SNX6: variants seen among roughly 807,000 people sequenced by gnomAD.
SNX6 encodes sorting nexin-6.
A neutral mutation model predicts 63.0 loss-of-function variants in SNX6; 34 were observed. The ratio of observed to expected loss-of-function variants is 0.54; its 90% confidence interval spans 0.41 to 0.72. The LOEUF (loss-of-function observed/expected upper bound fraction) is 0.72, where lower values mean the gene tolerates loss of function less well. Among genes scored for constraint, SNX6 ranks in the 30% least tolerant of loss-of-function variants. The pLI is 0.00. For missense variants in SNX6, 398 were observed against 471.4 expected (o/e 0.84, Z 1.44); for synonymous variants, 170 against 164.2 (o/e 1.04, Z -0.27).
chr14:34,605,848 A>G, intron 4 of SNX6, 131 bp from the exon 5 acceptor site: 1 of 1,130,814 alleles, frequency 8.8e-7, no homozygotes, highest in South Asian at 1.9e-5. Context: ...AGGAACACCC[A>G]AATTCAGATT....
At chr14:34,598,439 TG>T (rs1405338344) in intron 6 of SNX6, among the ~76,000 whole-genome samples, 1 of 152,244 alleles carries the variant, frequency 6.6e-6, no homozygotes, top group Non-Finnish European at 1.5e-5. Flanking sequence ...CATCCAAGGC[TG>T]AAGTGCAGTG....
intron 2 of SNX6, among the ~76,000 whole-genome samples, chr14:34,616,750 C>T (rs552713034): frequency 4.6e-5 from 7 of 152,128 alleles, no homozygotes; most frequent in South Asian, 2.1e-4. Flanking sequence ...TATTAAGGAC[C>T]GGAGTCAAGC....
chr14:34,574,230 G>A (rs1314445370), intron 11 of SNX6, among the ~76,000 whole-genome samples: 3 of 151,626 alleles, frequency 2.0e-5, no homozygotes, highest in African/African-American at 7.3e-5. Flanking sequence ...CAGCTACTTG[G>A]GAGGCTGAGG....
intron 2 of SNX6, among the ~76,000 whole-genome samples, chr14:34,618,538 A>T (rs189712244): frequency 6.6e-6 from 1 of 152,160 alleles, no homozygotes; most frequent in Non-Finnish European, 1.5e-5. Flanking sequence ...TTTAGTAGAG[A>T]CAAGGTTTCA....
chr14:34,625,699 C>T (rs1883800681), intron 2 of SNX6, among the ~76,000 whole-genome samples: 1 of 151,980 alleles, frequency 6.6e-6, no homozygotes, highest in Admixed American at 6.6e-5. Context: ...TGCCACTGCA[C>T]CCCAGCGTGG....
intron 2 of SNX6, among the ~76,000 whole-genome samples, chr14:34,615,515 C>T (rs566843765): frequency 6.6e-6 from 1 of 152,190 alleles, no homozygotes; most frequent in East Asian, 1.9e-4. Flanking sequence ...AGCCACCGCA[C>T]CTGGCTAAAT....
intron 13 of SNX6, among the ~76,000 whole-genome samples, 190 bp from the exon 14 acceptor site, chr14:34,563,365 T>C (rs940866635): frequency 2.6e-4 from 39 of 152,026 alleles, no homozygotes; most frequent in African/African-American, 8.7e-4. Context: ...GAGACCATCC[T>C]GGCTAACACA....
intron 8 of SNX6, among the ~76,000 whole-genome samples, chr14:34,592,538 T>C (rs534872912): frequency 9.2e-5 from 14 of 152,248 alleles, no homozygotes; most frequent in African/African-American, 3.4e-4. Flanking sequence ...GCAAAAACTA[T>C]CACAGTATCA....
chr14:34,626,025 C>T (rs1883812934), intron 2 of SNX6, among the ~76,000 whole-genome samples: 1 of 152,088 alleles, frequency 6.6e-6, no homozygotes, highest in African/African-American at 2.4e-5. Flanking sequence ...AGACTACTAA[C>T]TTAGTTTCTC....
intron 11 of SNX6, among the ~76,000 whole-genome samples, chr14:34,571,692 C>A (rs982407314): frequency 6.6e-6 from 1 of 152,138 alleles, no homozygotes; most frequent in Admixed American, 6.6e-5. Context: ...GGGCACATAT[C>A]ATGCATCCAC....
At chr14:34,595,284 C>T (rs1342043476) in intron 7 of SNX6, among the ~76,000 whole-genome samples, 5 of 152,050 alleles carry the variant, frequency 3.3e-5, no homozygotes, top group African/African-American at 1.2e-4. Flanking sequence ...ATTACAGCCA[C>T]GTGCCACCAT....
intron 11 of SNX6, among the ~76,000 whole-genome samples, chr14:34,572,421 T>G (rs1881487233): frequency 6.6e-6 from 1 of 152,134 alleles, no homozygotes; most frequent in African/African-American, 2.4e-5. Flanking sequence ...TTTGATAATT[T>G]AAAGTCTTCA....
rs979195284 is a variant in SNX6 at position 34,562,944 on chromosome 14, C to T, written c.*178G>A. On this transcript the variant is annotated 3_prime_UTR_variant, in exon 14 of 14. Coordinates refer to ENST00000362031, the MANE Select transcript of SNX6 (RefSeq NM_152233.4). Reference sequence around the variant, plus strand: ...GAACACAGTGCGGCATCACGGCACACAGACTGGCATCGCCTGGGCGTGCGC... The same window carrying T: ...GAACACAGTGCGGCATCACGGCACATAGACTGGCATCGCCTGGGCGTGCGC... 4 of 629,992 alleles carry T rather than the reference C, an allele frequency of 6.3e-6. No homozygotes were observed. The highest frequency in any genetic ancestry group is 6.1e-5 in the South Asian group (3 of 49,194). 39.0% of individuals were successfully genotyped at this position (629,992 alleles called of 1,614,324 possible).
At chr14:34,587,426 G>A (rs1011527725) in intron 8 of SNX6, among the ~76,000 whole-genome samples, 7 of 149,200 alleles carry the variant, frequency 4.7e-5, no homozygotes, top group African/African-American at 1.7e-4. Flanking sequence ...CTAGCTACTC[G>A]GGAAGCTGTG....
At chr14:34,582,681 C>T (rs115183811) in intron 9 of SNX6, among the ~76,000 whole-genome samples, 3,150 of 152,058 alleles carry the variant, frequency 0.021, 104 homozygotes, top group African/African-American at 0.068. Context: ...AAGTAGCTGG[C>T]ATTACAGGTG....
In SNX6 at chr14:34,605,609, G is replaced by T; in HGVS notation, c.379C>A (p.Gln127Lys). The stretch of plus-strand genomic sequence containing the variant: ...AAAATCACTTACGCTTCCAGTTCCT[G>T]TTTCATCTTTGTGAATTCTTCCTTC... Reference protein sequence around the residue: ...MTKEEFTKMKQELEAEYLAIF... With the variant: ...MTKEEFTKMKKELEAEYLAIF... The change falls in exon 5 of 14, where the codon CAG (glutamine) becomes AAG (lysine). Residue 127 changes from glutamine (Q) to lysine (K), a missense_variant. Transcript: ENST00000362031. 6.3e-7 allele frequency: 1 copy of T among 1,582,914 alleles called. No homozygotes were observed.
intron 8 of SNX6, among the ~76,000 whole-genome samples, chr14:34,590,116 CAAA>C (rs1270033153): frequency 6.6e-6 from 1 of 151,548 alleles, no homozygotes; most frequent in Non-Finnish European, 1.5e-5. Context: ...ACAACAACAA[CAAA>C]AAACAACAAC....
chr14:34,564,812 G>T (rs1881097103), intron 13 of SNX6, among the ~76,000 whole-genome samples: 1 of 143,732 alleles, frequency 7.0e-6, no homozygotes, highest in Admixed American at 7.0e-5. Context: ...GGGGCAAAAA[G>T]AGTGAAACTA....
intron 8 of SNX6, 148 bp from the exon 9 acceptor site, chr14:34,586,453 T>C: frequency 3.3e-5 from 10 of 300,224 alleles, no homozygotes; most frequent in Admixed American, 4.7e-5. Context: ...ATGCCTGTAA[T>C]CCCAACACTT....
Sources: gnomAD v4.1 joint callset for allele counts (sites outside exome capture counted in the v4.1 genomes callset) on GRCh38, gnomAD v4.1.1 for gene constraint, MANE v1.5 for transcripts, NCBI Gene and HGNC (gene_info 2026-07-23, HGNC 2026-07-21) for gene names.